Variants in CLMP observed in about 807,000 individuals in gnomAD.
The protein encoded by CLMP is CXADR-like membrane protein.
Under a neutral mutation model 45.2 loss-of-function variants are expected in CLMP, and 27 were observed. The ratio of observed to expected loss-of-function variants is 0.60; its 90% CI spans 0.44 to 0.82. The LOEUF is 0.82. Ranked by LOEUF, CLMP falls within the 40% of genes least tolerant of loss-of-function variation. The pLI is 0.00. For missense variants in CLMP, 403 were observed against 448.4 expected, an observed-to-expected ratio of 0.90 and a Z score of 0.91; for synonymous variants, 167 against 171.4, an observed-to-expected ratio of 0.97 and a Z score of 0.20.
chr11:123,153,257 C>T (rs553740547), intron 1 of CLMP, among the ~76,000 whole-genome samples: 3 of 152,294 alleles, frequency 2.0e-5, no homozygotes, highest in South Asian at 4.1e-4. Flanking sequence ...TGGCTTCCAG[C>T]GTTTGAGCAA....
chr11:123,089,586 A>C (rs1052246710), intron 2 of CLMP, among the ~76,000 whole-genome samples: 1 of 151,664 alleles, frequency 6.6e-6, no homozygotes, highest in African/African-American at 2.4e-5. Context: ...TAACACGGTG[A>C]AACCCCGTCT....
chr11:123,104,330 C>T (rs1419664876), intron 1 of CLMP, among the ~76,000 whole-genome samples: 1 of 151,574 alleles, frequency 6.6e-6, no homozygotes, highest in Non-Finnish European at 1.5e-5. Context: ...ATCTGCCCGC[C>T]TCAGCCTCCC....
In CLMP at chr11:123,097,203, C is replaced by G. The variant is rs1287330266; in HGVS notation, c.186+592G>C. ...AGGGTCTTGCTGTATTGCCCAGGCTCAAGTGCAGTGGCTATTTACAGGTGT... is the reference window on the plus strand; with the variant it reads ...AGGGTCTTGCTGTATTGCCCAGGCTGAAGTGCAGTGGCTATTTACAGGTGT... On this transcript the variant is annotated intron_variant, in intron 2 of 6. Coordinates refer to ENST00000448775, the MANE Select transcript of CLMP (RefSeq NM_024769.5). 5.9e-5 allele frequency among the ~76,000 whole-genome samples: 9 copies of G among 151,508 alleles called. 1 individual carries two copies. In the South Asian group the frequency reaches 1.7e-3, roughly 28 times the overall value.
At chr11:123,109,302 A>T (rs1359780715) in intron 1 of CLMP, among the ~76,000 whole-genome samples, 2 of 152,186 alleles carry the variant, frequency 1.3e-5, no homozygotes, top group Non-Finnish European at 2.9e-5. Context: ...TTAACAATGA[A>T]CAATTAACTG....
chr11:123,119,917 C>G (rs1860789558), intron 1 of CLMP, among the ~76,000 whole-genome samples: 1 of 152,144 alleles, frequency 6.6e-6, no homozygotes, highest in African/African-American at 2.4e-5. Flanking sequence ...GAACTCCTGA[C>G]CTCAGGTGAT....
At chr11:123,103,624 C>T (rs781102341) in intron 1 of CLMP, among the ~76,000 whole-genome samples, 27 of 152,170 alleles carry the variant, frequency 1.8e-4, no homozygotes, top group Non-Finnish European at 3.7e-4. Flanking sequence ...CTTCCTTGAA[C>T]TTCAGTTCGT....
chr11:123,128,482 C>T (rs549632009), intron 1 of CLMP, among the ~76,000 whole-genome samples: 3 of 152,000 alleles, frequency 2.0e-5, no homozygotes, highest in South Asian at 2.1e-4. Context: ...AGCAACATAG[C>T]GAGATCTTGC....
chr11:123,141,746 CTTAA>C lies in CLMP; in HGVS notation c.29-43798_29-43795del, dbSNP rs139515588. On this transcript the variant is annotated intron_variant, in intron 1 of 6. Transcript: ENST00000448775. Reference sequence around the variant, plus strand: ...GTAACTTTTTACTTAACGATATAAACTTAATTAATTTATTATTTTTAATAATGTT... The same window carrying C: ...GTAACTTTTTACTTAACGATATAAACTTAATTTATTATTTTTAATAATGTT... 2.4e-3 allele frequency among the ~76,000 whole-genome samples: 365 copies of C among 151,970 alleles called. 8 individuals are homozygous for C. The South Asian group carries it at 0.034, about 14-fold the overall frequency.
rs1860870536 is a variant in CLMP at position 123,125,117 on chromosome 11, T to C, written c.29-27165A>G. Among the ~76,000 whole-genome samples the C allele has an allele frequency of 2.0e-5, 3 of 152,130 alleles. No individual in the cohort carries two copies. The South Asian group carries it at 6.2e-4, about 32-fold the overall frequency. The stretch of plus-strand genomic sequence containing the variant: ...TTCACCATGTTGCCTAGATGGGTCT[T>C]GAACTCCTGAGCTCAGGCAATCCGC... On this transcript the variant is annotated intron_variant, in intron 1 of 6. Transcript: ENST00000448775.
intron 1 of CLMP, among the ~76,000 whole-genome samples, chr11:123,154,133 A>G (rs1376144445): frequency 6.6e-6 from 1 of 152,134 alleles, no homozygotes; most frequent in Admixed American, 6.6e-5. Context: ...TGGAGCCCTC[A>G]TACTTCTCAG....
intron 2 of CLMP, among the ~76,000 whole-genome samples, chr11:123,087,260 C>G (rs1865876055): frequency 6.6e-6 from 1 of 152,058 alleles, no homozygotes; most frequent in African/African-American, 2.4e-5. Flanking sequence ...TTGCTTGAAC[C>G]CGGGAGGCGG....
At chr11:123,165,423 G>A (rs1861543406) in intron 1 of CLMP, among the ~76,000 whole-genome samples, 1 of 152,188 alleles carries the variant, frequency 6.6e-6, no homozygotes, top group Non-Finnish European at 1.5e-5. Flanking sequence ...TGAAGTCCAT[G>A]ATCCAGTATC....
chr11:123,120,365 A>G (rs1565388452), intron 1 of CLMP, among the ~76,000 whole-genome samples: 1 of 151,172 alleles, frequency 6.6e-6, no homozygotes, highest in Non-Finnish European at 1.5e-5. Flanking sequence ...TTGATCCTCT[A>G]TTTTTTTTTA....
At chr11:123,092,544 C>T (rs541499779) in intron 2 of CLMP, among the ~76,000 whole-genome samples, 2 of 152,316 alleles carry the variant, frequency 1.3e-5, no homozygotes, top group African/African-American at 4.8e-5. Context: ...GATCCACCCG[C>T]CTTGGCCTCC....
chr11:123,178,537 G>T (rs540793071), intron 1 of CLMP, among the ~76,000 whole-genome samples: 1 of 152,272 alleles, frequency 6.6e-6, no homozygotes, highest in African/African-American at 2.4e-5. Flanking sequence ...TCTATAAAAT[G>T]GAGTTATTTG....
intron 1 of CLMP, among the ~76,000 whole-genome samples, chr11:123,170,704 G>A (rs1399135336): frequency 1.3e-5 from 2 of 152,170 alleles, no homozygotes; most frequent in Non-Finnish European, 2.9e-5. Flanking sequence ...GCCTCCCAAT[G>A]TGCTGGGATT....
intron 1 of CLMP, among the ~76,000 whole-genome samples, chr11:123,185,648 AAGGCAGATGGGTACC>A (rs1459346805): frequency 6.6e-6 from 1 of 152,114 alleles, no homozygotes; most frequent in East Asian, 1.9e-4. Context: ...CCCCCAGGGG[AAGGCAGATGGGTACC>A]AGGCCTCCGC....
At chr11:123,083,339 C>A (rs1591450443) in intron 4 of CLMP, 132 bp from the exon 5 acceptor site, 2 of 961,034 alleles carry the variant, frequency 2.1e-6, no homozygotes, top group South Asian at 3.3e-5. Flanking sequence ...AAAAGATATC[C>A]TTTGGGAACA....
intron 5 of CLMP, 89 bp downstream of exon 5, chr11:123,082,996 A>T: frequency 1.3e-6 from 2 of 1,491,294 alleles, no homozygotes; most frequent in Non-Finnish European, 1.8e-6. Context: ...CCTTAACCTT[A>T]CTCTTACTTA....
Sources: allele counts gnomAD v4.1 joint callset (sites outside exome capture counted in the v4.1 genomes callset), GRCh38; gene constraint gnomAD v4.1.1; transcripts MANE v1.5; gene names NCBI Gene and HGNC (gene_info 2026-07-23, HGNC 2026-07-21).